Variants in CERS3 observed in about 807,000 individuals in gnomAD.
CERS3 encodes LAG1 homolog, ceramide synthase 3.
Under a neutral mutation model 50.3 loss-of-function variants are expected in CERS3, and 33 were observed. The ratio of observed to expected loss-of-function variants is 0.66; its 90% CI spans 0.50 to 0.88. The LOEUF (loss-of-function observed/expected upper bound fraction) is 0.88. Ranked by LOEUF, CERS3 falls within the 40% of genes least tolerant of loss-of-function variation. CERS3 has a pLI of 0.00. For missense variants in CERS3, 470 were observed against 460.3 expected (o/e 1.02, Z -0.19); for synonymous variants, 176 against 155.2 (o/e 1.13, Z -0.99).
chr15:100,468,174 A>G (rs1270254649), intron 10 of CERS3, among the ~76,000 whole-genome samples: 1 of 152,184 alleles, frequency 6.6e-6, no homozygotes. Flanking sequence ...ATGTTTAATT[A>G]TAGTAGGTAG....
chr15:100,493,488 G>C (rs1440555678), intron 3 of CERS3, among the ~76,000 whole-genome samples: 1 of 152,134 alleles, frequency 6.6e-6, no homozygotes, highest in Non-Finnish European at 1.5e-5. Context: ...TTTGGCTTTT[G>C]ACAAGTTGAT....
chr15:100,461,031 G>A (rs2034532158), intron 10 of CERS3, among the ~76,000 whole-genome samples: 1 of 152,104 alleles, frequency 6.6e-6, no homozygotes, highest in Admixed American at 6.6e-5. Context: ...GATGAGGTGG[G>A]AGAGGTGAAG....
At chr15:100,535,358 T>G (rs1328463418) in intron 1 of CERS3, among the ~76,000 whole-genome samples, 1 of 152,232 alleles carries the variant, frequency 6.6e-6, no homozygotes, top group Non-Finnish European at 1.5e-5. Context: ...ATTCAGCCAG[T>G]ATTTACTGGG....
intron 4 of CERS3, among the ~76,000 whole-genome samples, chr15:100,488,448 A>G (rs1327829320): frequency 6.6e-6 from 1 of 152,136 alleles, no homozygotes; most frequent in African/African-American, 2.4e-5. Flanking sequence ...CCACCCAGCA[A>G]CTTGTCTTAT....
chr15:100,419,894 GAC>G (rs1567599557), intron 11 of CERS3, among the ~76,000 whole-genome samples: 2 of 147,946 alleles, frequency 1.4e-5, no homozygotes, highest in African/African-American at 5.0e-5. Context: ...CGAGAACAAA[GAC>G]ACAACATACC....
intron 10 of CERS3, among the ~76,000 whole-genome samples, chr15:100,468,928 C>T (rs1406527309): frequency 6.6e-6 from 1 of 152,172 alleles, no homozygotes; most frequent in Non-Finnish European, 1.5e-5. Context: ...AATACTCATC[C>T]TTATGAGTTA....
chr15:100,473,497 T>C (rs963013180), intron 8 of CERS3, among the ~76,000 whole-genome samples: 1 of 152,170 alleles, frequency 6.6e-6, no homozygotes, highest in Non-Finnish European at 1.5e-5. Flanking sequence ...AATAAAGACT[T>C]AAAGGTTTTC....
chr15:100,419,988 C>T (rs879037724), intron 11 of CERS3, among the ~76,000 whole-genome samples: 41 of 145,834 alleles, frequency 2.8e-4, no homozygotes, highest in African/African-American at 8.1e-4. Context: ...AGGAAAGATC[C>T]AAAATTGACA....
chr15:100,491,633 T>A (rs913891070), intron 3 of CERS3, among the ~76,000 whole-genome samples: 1 of 152,178 alleles, frequency 6.6e-6, no homozygotes, highest in African/African-American at 2.4e-5. Flanking sequence ...ATTTTTCTAG[T>A]CCGTTAAGGT....
chr15:100,502,254 A>AG (rs1349626600), intron 2 of CERS3, among the ~76,000 whole-genome samples: 33 of 119,592 alleles, frequency 2.8e-4, no homozygotes, highest in African/African-American at 9.4e-4. Context: ...AAAAAAAGAA[A>AG]AAAAAAAAAA....
At chr15:100,508,795 G>A (rs949893526) in intron 2 of CERS3, among the ~76,000 whole-genome samples, 1 of 151,944 alleles carries the variant, frequency 6.6e-6, no homozygotes, top group Non-Finnish European at 1.5e-5. Context: ...TTACCCCCGG[G>A]TCATTCTCAG....
chr15:100,416,131 A>AAGT (rs35137534), intron 11 of CERS3, among the ~76,000 whole-genome samples: 90 of 151,630 alleles, frequency 5.9e-4, no homozygotes, highest in Middle Eastern at 3.4e-3. Context: ...GAATTAGAAA[A>AAGT]ATTATAAAAT....
intron 3 of CERS3, chr15:100,500,200 A>G (rs985250786): frequency 7.9e-5 from 12 of 152,232 alleles, no homozygotes; most frequent in Admixed American, 7.9e-4. Flanking sequence ...GCATTAGTGA[A>G]GCAACACATA....
At chr15:100,474,729 C>T (rs1196841098) in intron 8 of CERS3, among the ~76,000 whole-genome samples, 1 of 152,210 alleles carries the variant, frequency 6.6e-6, no homozygotes, top group Non-Finnish European at 1.5e-5. Flanking sequence ...ACAGATTAAC[C>T]TGTTTAATTC....
chr15:100,461,122 T>C (rs893502177), intron 10 of CERS3, among the ~76,000 whole-genome samples: 1 of 152,104 alleles, frequency 6.6e-6, no homozygotes, highest in Non-Finnish European at 1.5e-5. Context: ...TGGCTGGTTT[T>C]AGAAAGAGGA....
At chr15:100,430,614 T>A (rs766414962) in intron 11 of CERS3, among the ~76,000 whole-genome samples, 6 of 152,202 alleles carry the variant, frequency 3.9e-5, no homozygotes, top group Non-Finnish European at 7.3e-5. Context: ...GCTCTTTGAA[T>A]GACTCCATGT....
At chr15:100,485,601 T>A (rs1216728610) in intron 4 of CERS3, among the ~76,000 whole-genome samples, 1 of 152,140 alleles carries the variant, frequency 6.6e-6, no homozygotes, top group Non-Finnish European at 1.5e-5. Flanking sequence ...TCTGGCTGGG[T>A]GTGGTGGTTC....
intron 11 of CERS3, among the ~76,000 whole-genome samples, chr15:100,403,555 G>A (rs1022232332): frequency 6.6e-6 from 1 of 152,066 alleles, no homozygotes; most frequent in African/African-American, 2.4e-5. Context: ...TAAAGAAAAA[G>A]AAGACATGAC....
intron 11 of CERS3, among the ~76,000 whole-genome samples, chr15:100,404,722 C>CT (rs1272847034): frequency 1.3e-5 from 2 of 152,146 alleles, no homozygotes; most frequent in Non-Finnish European, 2.9e-5. Flanking sequence ...GATTTTAAGA[C>CT]TTATATAAAG....
Sources: allele counts gnomAD v4.1 joint callset (sites outside exome capture counted in the v4.1 genomes callset), GRCh38; gene constraint gnomAD v4.1.1; transcripts MANE v1.5; gene names NCBI Gene and HGNC (gene_info 2026-07-23, HGNC 2026-07-21).